The following KIAA1549L variants were observed in gnomAD, a reference collection of about 807,000 sequenced individuals.
KIAA1549L encodes UPF0606 protein KIAA1549L.
Under a neutral mutation model 160.7 loss-of-function variants are expected in KIAA1549L, and 88 were observed. The ratio of observed to expected loss-of-function variants is 0.55; its 90% CI spans 0.46 to 0.65. KIAA1549L has a LOEUF of 0.65. KIAA1549L is among the 30% of genes least tolerant of loss of function. The probability of loss-of-function intolerance (pLI) is 0.00; values close to 1 mark genes in which losing one functional copy is unlikely to be tolerated. For synonymous variants in KIAA1549L, 950 were observed against 976.7 expected, an observed-to-expected ratio of 0.97 and a Z score of 0.51; for missense variants, 2,258 against 2,437.5, an observed-to-expected ratio of 0.93 and a Z score of 1.55.
At chr11:33,602,495 G>C (rs776101020) in intron 13 of KIAA1549L, among the ~76,000 whole-genome samples, 1 of 152,214 alleles carries the variant, frequency 6.6e-6, no homozygotes, top group Non-Finnish European at 1.5e-5. Context: ...AACACTTTCT[G>C]CCTCAAATGG....
At chr11:33,621,386 A>C (rs916278211) in intron 16 of KIAA1549L, among the ~76,000 whole-genome samples, 1 of 152,218 alleles carries the variant, frequency 6.6e-6, no homozygotes, top group African/African-American at 2.4e-5. Context: ...CACTCCCGGC[A>C]CTAACAATAC....
At chr11:33,547,566 A>G (rs751124707) in intron 3 of KIAA1549L, among the ~76,000 whole-genome samples, 198 bp from the exon 4 acceptor site, 6 of 152,154 alleles carry the variant, frequency 3.9e-5, no homozygotes, top group Non-Finnish European at 7.4e-5. Flanking sequence ...GGTCACACAA[A>G]TGGCTAGGGC....
At chr11:33,489,801 G>C (rs1484733541) in intron 1 of KIAA1549L, among the ~76,000 whole-genome samples, 1 of 152,170 alleles carries the variant, frequency 6.6e-6, no homozygotes, top group Non-Finnish European at 1.5e-5. Flanking sequence ...GTCTAGCTGT[G>C]TGCTCAGGAA....
rs142878018 is a variant in KIAA1549L, at chr11:33,427,464, A to G, written c.238+50575A>G. ...ATGCTGATTTGTCTTCCATTTCTCC[A>G]TGTTAGGAAAGCCCTCCCTTGGCCA... is the stretch of plus-strand genomic sequence containing the variant. On this transcript the variant is annotated intron_variant, in intron 1 of 20. Transcript: ENST00000658780. Among the ~76,000 whole-genome samples, 3 of 151,934 alleles carry G rather than the reference A, an allele frequency of 2.0e-5. No individual in the cohort carries two copies. The East Asian group carries it at 5.8e-4, about 29-fold the overall frequency.
chr11:33,627,764 G>GT (rs1287043243), intron 16 of KIAA1549L, among the ~76,000 whole-genome samples: 1 of 151,910 alleles, frequency 6.6e-6, no homozygotes, highest in African/African-American at 2.4e-5. Context: ...TTTTTGAAGG[G>GT]TTTTTTGTGT....
intron 1 of KIAA1549L, among the ~76,000 whole-genome samples, chr11:33,385,448 A>T (rs1850155269): frequency 6.6e-6 from 1 of 152,202 alleles, no homozygotes; most frequent in Non-Finnish European, 1.5e-5. Flanking sequence ...AGATGTCAGT[A>T]ACTCCCCTCA....
chr11:33,628,923 C>T (rs1851196057), intron 16 of KIAA1549L, among the ~76,000 whole-genome samples: 1 of 151,618 alleles, frequency 6.6e-6, no homozygotes, highest in Non-Finnish European at 1.5e-5. Context: ...TCGGCTGGTA[C>T]CGGTTGTTCC....
chr11:33,507,239 G>C (rs746846304), intron 1 of KIAA1549L, among the ~76,000 whole-genome samples: 12 of 152,138 alleles, frequency 7.9e-5, no homozygotes, highest in Non-Finnish European at 1.3e-4. Context: ...ATGTCTCAGA[G>C]GGTATAGAGT....
At chr11:33,453,212 T>A (rs1282246174) in intron 1 of KIAA1549L, among the ~76,000 whole-genome samples, 2 of 152,080 alleles carry the variant, frequency 1.3e-5, no homozygotes, top group Non-Finnish European at 2.9e-5. Context: ...CTGTGAAAAT[T>A]TGAGATTTCA....
chr11:33,482,337 G>T, intron 1 of KIAA1549L, among the ~76,000 whole-genome samples: 1 of 151,664 alleles, frequency 6.6e-6, no homozygotes, highest in African/African-American at 2.4e-5. Context: ...TTATCTGCTG[G>T]AATTTCTAGA....
At chr11:33,655,554 C>A (rs1353949212) in intron 17 of KIAA1549L, among the ~76,000 whole-genome samples, 1 of 152,208 alleles carries the variant, frequency 6.6e-6, no homozygotes, top group Non-Finnish European at 1.5e-5. Context: ...ATATCTCTGA[C>A]AACAAAGCCC....
chr11:33,432,110 C>G (rs1254538209), intron 1 of KIAA1549L, among the ~76,000 whole-genome samples: 1 of 152,224 alleles, frequency 6.6e-6, no homozygotes, highest in Non-Finnish European at 1.5e-5. Flanking sequence ...AGTCCCGGTT[C>G]CCGCTCGCAC....
At chr11:33,559,993 CACATACT>C in intron 7 of KIAA1549L, 82 bp downstream of exon 7, 1 of 452,692 alleles carries the variant, frequency 2.2e-6, no homozygotes, top group Non-Finnish European at 3.1e-6. Flanking sequence ...AGTGCCAGGC[CACATACT>C]ACCACCTTTA....
At chr11:33,563,173 C>T (rs1854927081) in intron 8 of KIAA1549L, among the ~76,000 whole-genome samples, 1 of 151,456 alleles carries the variant, frequency 6.6e-6, no homozygotes, top group Admixed American at 6.6e-5. Context: ...GCCTAACCAA[C>T]ATATCTAGTA....
chr11:33,405,909 T>C (rs1470631729), intron 1 of KIAA1549L, among the ~76,000 whole-genome samples: 1 of 151,244 alleles, frequency 6.6e-6, no homozygotes, highest in Non-Finnish European at 1.5e-5. Flanking sequence ...TTCCAGGTCT[T>C]GTTATCCCCA....
Position 33,667,995 on chromosome 11 carries a change from G to A in KIAA1549L, c.6282G>A (p.Pro2094=), listed in dbSNP as rs571203692. 1.1e-4 allele frequency: 184 copies of A among 1,613,908 alleles called. No individual in the cohort carries two copies. The highest frequency in any genetic ancestry group is 3.3e-4 in the Middle Eastern group (2 of 6,062). ...ANLHPSLEQA[P]APSTAASQQS... is the part of the protein sequence containing the mutation. ...TGCACCCCAGCCTGGAGCAGGCCCC[G>A]GCGCCCTCCACAGCGGCCTCGCAGC... is the stretch of plus-strand genomic sequence containing the variant. Residue 2094 remains proline (P), a synonymous_variant, in exon 21 of 21, where the codon CCG becomes CCA. Coordinates refer to ENST00000658780, the MANE Select transcript of KIAA1549L (RefSeq NM_012194.3).
chr11:33,503,226 T>A (rs1160645605), intron 1 of KIAA1549L, among the ~76,000 whole-genome samples: 1 of 152,228 alleles, frequency 6.6e-6, no homozygotes, highest in Non-Finnish European at 1.5e-5. Flanking sequence ...TTGTTCAGCA[T>A]TATGTGTGTG....
chr11:33,461,162 C>G (rs1270598632), intron 1 of KIAA1549L, among the ~76,000 whole-genome samples: 1 of 149,464 alleles, frequency 6.7e-6, no homozygotes, highest in African/African-American at 2.5e-5. Context: ...CTTTTTTTTT[C>G]TTTGTAACAA....
rs555974739 is a variant in KIAA1549L, at chr11:33,662,968, C to T, written c.6159+1954C>T. 3.3e-5 allele frequency among the ~76,000 whole-genome samples: 5 copies of T among 152,348 alleles called. No homozygotes were observed. In the South Asian group the frequency reaches 1.0e-3, roughly 32 times the overall value. On this transcript the variant is annotated intron_variant, in intron 20 of 20. Transcript: ENST00000658780. Reference sequence around the variant, plus strand: ...TTTTAAATTAAGAGGAAGATGATTGCTGCAGCCTAATTGGGCCTTTCCTGG... The same window carrying T: ...TTTTAAATTAAGAGGAAGATGATTGTTGCAGCCTAATTGGGCCTTTCCTGG...
Sources: gnomAD v4.1 joint callset for allele counts (sites outside exome capture counted in the v4.1 genomes callset) on GRCh38, gnomAD v4.1.1 for gene constraint, MANE v1.5 for transcripts, NCBI Gene and HGNC (gene_info 2026-07-23, HGNC 2026-07-21) for gene names.